UNC79: variants seen among roughly 807,000 people sequenced by gnomAD.
UNC79 encodes unc-79 subunit of NALCN channel complex.
In UNC79, 37 loss-of-function variants were observed where a neutral mutation model predicts 283.1. That is an observed-to-expected ratio of 0.13 (90% CI 0.10 to 0.17). The LOEUF (loss-of-function observed/expected upper bound fraction) is 0.17. Among genes scored for constraint, UNC79 ranks in the 10% least tolerant of loss-of-function variants. UNC79 has a pLI of 1.00. For missense variants in UNC79, 2,272 were observed against 3,211.1 expected (o/e 0.71, Z 7.07); for synonymous variants, 1,107 against 1,200.2 (o/e 0.92, Z 1.61).
intron 14 of UNC79, among the ~76,000 whole-genome samples, chr14:93,566,952 A>G (rs1433839736): frequency 6.6e-6 from 1 of 152,182 alleles, no homozygotes; most frequent in Admixed American, 6.5e-5. Flanking sequence ...GTTAAACATG[A>G]AAGCCCAAAA....
At chr14:93,521,654 A>G (rs1272215935) in intron 7 of UNC79, among the ~76,000 whole-genome samples, 5 of 151,548 alleles carry the variant, frequency 3.3e-5, no homozygotes, top group Admixed American at 3.3e-4. Context: ...AGTGTTTCAA[A>G]TATATATTTT....
At chr14:93,426,223 GTGTCAT>G (rs147632804), upstream of UNC79, among the ~76,000 whole-genome samples, 377 of 152,098 alleles carry the variant, frequency 2.5e-3, 13 homozygotes, top group East Asian at 0.044. Flanking sequence ...TATGTAATGT[GTGTCAT>G]TGTATATCAT....
intron 4 of UNC79, among the ~76,000 whole-genome samples, chr14:93,483,903 T>C (rs1214232977): frequency 6.6e-6 from 1 of 152,220 alleles, no homozygotes; most frequent in Non-Finnish European, 1.5e-5. Context: ...TATTCCATGG[T>C]GTATATGTGC....
chr14:93,438,072 C>T (rs1268440217), intron 1 of UNC79, among the ~76,000 whole-genome samples: 1 of 152,064 alleles, frequency 6.6e-6, no homozygotes, highest in Non-Finnish European at 1.5e-5. Context: ...GCTATTCTTC[C>T]ATTGGTTTTG....
At chr14:93,421,752 T>C (rs1423187223) in intron 1 of UNC79, among the ~76,000 whole-genome samples, 1 of 148,840 alleles carries the variant, frequency 6.7e-6, no homozygotes, top group Non-Finnish European at 1.5e-5. Flanking sequence ...TAAACAAAGA[T>C]TATCCTTCAT....
chr14:93,440,308 A>G (rs762723813), intron 1 of UNC79, among the ~76,000 whole-genome samples: 19 of 151,954 alleles, frequency 1.3e-4, no homozygotes, highest in African/African-American at 4.4e-4. Context: ...AATGTTGTGT[A>G]TTTGTGCTGT....
chr14:93,346,672 A>G (rs976186603), intron 1 of UNC79, among the ~76,000 whole-genome samples: 11 of 152,238 alleles, frequency 7.2e-5, no homozygotes, highest in Non-Finnish European at 1.3e-4. Flanking sequence ...TGCATTAGAA[A>G]CAGTGTGCTA....
At chr14:93,703,864 C>A (rs2075698279) in intron 47 of UNC79, among the ~76,000 whole-genome samples, 1 of 152,192 alleles carries the variant, frequency 6.6e-6, no homozygotes, top group African/African-American at 2.4e-5. Flanking sequence ...TTGAGGAATG[C>A]CATATTCTGT....
intron 30 of UNC79, among the ~76,000 whole-genome samples, chr14:93,628,497 A>G (rs2067745665): frequency 6.6e-6 from 1 of 152,172 alleles, no homozygotes; most frequent in African/African-American, 2.4e-5. Context: ...CCTACAGAGA[A>G]TTGATCTTCC....
chr14:93,614,330 TA>T (rs199720035), intron 27 of UNC79, among the ~76,000 whole-genome samples: 7,437 of 146,754 alleles, frequency 0.051, 386 homozygotes, highest in African/African-American at 0.15. Flanking sequence ...TTTATTTATT[TA>T]TTTAGAGACG....
Position 93,474,804 on chromosome 14 carries a change from G to A in UNC79, c.448+411G>A, listed in dbSNP as rs1422706086. On this transcript the variant is annotated intron_variant, in intron 3 of 48. Transcript: ENST00000555664. This position sits in a 1 kb window ranked among gnomAD's most constrained non-coding sequence, Gnocchi z 4.1. ...CACTGACTGATTCGGTAATTTTTGA[G>A]GGAGCAAATTCTCTAGGACCCATTT... is the stretch of plus-strand genomic sequence containing the variant. Among the ~76,000 whole-genome samples, 1 of 152,180 alleles carries A rather than the reference G, an allele frequency of 6.6e-6. No homozygotes were observed. Among genetic ancestry groups the A allele is most frequent in the Non-Finnish European group, 1.5e-5 (1 of 68,040 alleles).
intron 5 of UNC79, among the ~76,000 whole-genome samples, chr14:93,492,800 G>A (rs2058795914): frequency 6.6e-6 from 1 of 152,182 alleles, no homozygotes; most frequent in African/African-American, 2.4e-5. Flanking sequence ...CAGACACTAT[G>A]TACAAGAAAG....
intron 1 of UNC79, among the ~76,000 whole-genome samples, chr14:93,417,027 A>G (rs6575332): frequency 0.57 from 85,727 of 151,510 alleles, 24,726 homozygotes; most frequent in Admixed American, 0.67. Flanking sequence ...TTACATTTAA[A>G]GTTAATATTG....
At chr14:93,351,322 T>A (rs540866739) in intron 1 of UNC79, among the ~76,000 whole-genome samples, 1 of 152,360 alleles carries the variant, frequency 6.6e-6, no homozygotes, top group South Asian at 2.1e-4. Flanking sequence ...TTAAAGTCTT[T>A]TAATTATCAA....
chr14:93,433,098 G>A (rs1595469831), intron 1 of UNC79, among the ~76,000 whole-genome samples: 5 of 152,210 alleles, frequency 3.3e-5, no homozygotes, highest in African/African-American at 1.2e-4. Flanking sequence ...ATGTGGACTT[G>A]AGCTTTGTAT....
chr14:93,347,844 T>C (rs66526709), intron 1 of UNC79, among the ~76,000 whole-genome samples: 19,507 of 149,198 alleles, frequency 0.13, 1,651 homozygotes, highest in African/African-American at 0.25. Context: ...AGATGAAAAA[T>C]GAATTAAAAA....
In UNC79 at chr14:93,430,925, G is replaced by T. The variant is rs1217136486; in HGVS notation, c.-105G>T. 8.8e-6 allele frequency: 4 copies of T among 454,708 alleles called. No homozygotes were observed. The highest frequency in any genetic ancestry group is 2.4e-5 in the Admixed American group (1 of 41,338). The allele number at this position is 454,708 out of a possible 1,614,324, so 28.2% of individuals were successfully genotyped here. On this transcript the variant is annotated 5_prime_UTR_variant, in exon 1 of 49. Transcript: ENST00000555664. The surrounding 1 kb of genome is among the most constrained non-coding windows in gnomAD (Gnocchi z 4.6). ...TAAGGGAGGGGGAAAGCGAGGGGGTGGGGGGTGGGGGGTATGCACTCTTTT... is the reference window on the plus strand; with the variant it reads ...TAAGGGAGGGGGAAAGCGAGGGGGTTGGGGGTGGGGGGTATGCACTCTTTT...
intron 10 of UNC79, 47 bp downstream of exon 10, chr14:93,529,373 T>C (rs1033675335): frequency 1.3e-6 from 2 of 1,594,166 alleles, no homozygotes; most frequent in African/African-American, 2.7e-5. Context: ...TCATGACTAA[T>C]GACATAGTTG....
Position 93,350,720 on chromosome 14 carries a change from T to A in UNC79, c.-351+17197T>A, listed in dbSNP as rs549279835. Among the ~76,000 whole-genome samples the A allele has an allele frequency of 4.1e-3, 603 of 148,598 alleles. 5 individuals are homozygous for A. The highest frequency in any genetic ancestry group is 0.014 in the African/African-American group (581 of 41,356). ...CTTTTAAAAACTTCTTAGATTCGTA[T>A]CTCAGAGGTTCAACATTTGTTGTGT... is the stretch of plus-strand genomic sequence containing the variant. On this transcript the variant is annotated intron_variant, in intron 1 of 49. Coordinates refer to the UNC79 transcript ENST00000256339.
Sources: allele counts gnomAD v4.1 joint callset (sites outside exome capture counted in the v4.1 genomes callset), GRCh38; gene constraint gnomAD v4.1.1; non-coding constraint Gnocchi (gnomAD v3.1); transcripts MANE v1.5; gene names NCBI Gene and HGNC (gene_info 2026-07-23, HGNC 2026-07-21).